Variants in ZGRF1 observed in about 807,000 individuals in gnomAD.
ZGRF1 encodes the protein 5'-3' DNA helicase ZGRF1.
Under a neutral mutation model 203.5 loss-of-function variants are expected in ZGRF1, and 196 were observed. The ratio of observed to expected loss-of-function variants is 0.96; its 90% CI spans 0.86 to 1.08. The LOEUF (loss-of-function observed/expected upper bound fraction) is 1.08, where lower values mean the gene tolerates loss of function less well. Among genes scored for constraint, ZGRF1 ranks in the 50% least tolerant of loss-of-function variants. The pLI is 0.00. For missense variants in ZGRF1, 2,326 were observed against 2,416.3 expected (o/e 0.96, Z 0.78); for synonymous variants, 809 against 841.3 (o/e 0.96, Z 0.66).
At position 112,540,102 on chromosome 4, in the gene ZGRF1, A is replaced by G; in HGVS notation, c.5933T>C (p.Val1978Ala). 2 of 1,583,594 alleles carry G rather than the reference A, an allele frequency of 1.3e-6. No individual in the cohort carries two copies. Among genetic ancestry groups the G allele is most frequent in the Admixed American group, 1.8e-5 (1 of 55,248 alleles). Residue 1978 changes from valine to alanine, a missense_variant, in exon 27 of 28, where the codon GTG (valine) becomes GCG (alanine). Physicochemically the swap from Val to Ala is moderately conservative, Grantham distance 64. Transcript: ENST00000505019. ...TTTAATATCAGGATGGTGAAAGTCC[A>G]CAGCACTGAGTAAATGACAAAGCTG... ...MYKLCHLLSA[V>A]DFHHPDIKTV...
At chr4:112,565,001 G>C in intron 16 of ZGRF1, 1 of 919,308 alleles carries the variant, frequency 1.1e-6, no homozygotes, top group Non-Finnish European at 1.8e-6. Context: ...GCTCGTACAA[G>C]GCAGACTGCC....
chr4:112,586,381 T>C, intron 13 of ZGRF1, 64 bp downstream of exon 13: 1 of 1,263,650 alleles, frequency 7.9e-7, no homozygotes, highest in Non-Finnish European at 1.1e-6. Flanking sequence ...TGTATTAAAT[T>C]CTCACAATTT....
intron 16 of ZGRF1, chr4:112,565,291 G>C (rs1049210523): frequency 6.5e-7 from 1 of 1,530,222 alleles, no homozygotes; most frequent in Non-Finnish European, 9.0e-7. Flanking sequence ...GGCCTATCTG[G>C]TTGGCCTTTT....
chr4:112,633,060 A>C (rs1433688548), intron 2 of ZGRF1, 96 bp downstream of exon 2: 22 of 1,132,664 alleles, frequency 1.9e-5, no homozygotes, highest in Non-Finnish European at 2.4e-5. Context: ...GTTTTTGCTA[A>C]ATCTGGCAAC....
chr4:112,623,851 G>A lies in ZGRF1; in HGVS notation c.128C>T (p.Ala43Val). 6.3e-7 allele frequency: 1 copy of A among 1,584,052 alleles called. No individual in the cohort carries two copies. Among genetic ancestry groups the A allele is most frequent in the Non-Finnish European group, 8.6e-7 (1 of 1,156,886 alleles). Residue 43 changes from alanine (A) to valine (V), a missense_variant, in exon 4 of 28, where the codon GCA (alanine) becomes GTA (valine). Physicochemically the swap from Ala to Val is moderately conservative, Grantham distance 64. Coordinates refer to ENST00000505019, the MANE Select transcript of ZGRF1 (RefSeq NM_018392.5). ...TTTAAGAAACAGACTCTCCAAACAT[G>A]CTCCTTTGTCATCATATAAAATTGC... ...NKAILYDDKGACLESLFLKCL... is the reference protein window; with the variant it reads ...NKAILYDDKGVCLESLFLKCL...
chr4:112,548,139 C>T, intron 23 of ZGRF1, 114 bp downstream of exon 23: 1 of 835,934 alleles, frequency 1.2e-6, no homozygotes, highest in East Asian at 2.8e-5. Flanking sequence ...TGGGGATTCG[C>T]CATGTTGTCC....
chr4:112,612,505 T>C lies in ZGRF1; in HGVS notation c.2667+19A>G. 1 of 1,525,718 alleles carries C rather than the reference T, an allele frequency of 6.6e-7. No individual in the cohort carries two copies. The highest frequency in any genetic ancestry group is 1.2e-5 in the South Asian group (1 of 85,148). 94.5% of individuals were successfully genotyped at this position (1,525,718 alleles called of 1,614,324 possible). Reference sequence around the variant, plus strand: ...TTATCAAAATAAAAAAAACATACTCTTAGAAAAAAAACCTGTACCTGTTGA... The same window carrying C: ...TTATCAAAATAAAAAAAACATACTCCTAGAAAAAAAACCTGTACCTGTTGA... On this transcript the variant is annotated intron_variant, in intron 7 of 27. Transcript: ENST00000505019.
At chr4:112,612,481 T>C (rs2046720168) in intron 7 of ZGRF1, 43 bp downstream of exon 7, 1 of 1,253,372 alleles carries the variant, frequency 8.0e-7, no homozygotes, top group Admixed American at 1.9e-5. Flanking sequence ...AGAACATTCT[T>C]ATCAAAATAA....
In ZGRF1 at chr4:112,619,141, C is replaced by T; in HGVS notation, c.901G>A (p.Glu301Lys). Residue 301 changes from glutamate (E) to lysine (K), a missense_variant, in exon 6 of 28, where the codon GAG becomes AAG. Transcript: ENST00000505019. Reference protein sequence around the residue: ...TKPKYLIQQEECAEMKSTENL... With the variant: ...TKPKYLIQQEKCAEMKSTENL... ...TCTGTGCTCTTCATCTCAGCACACT[C>T]TTCCTGTTGAATTAGGTACTTTGGT... The T allele has an allele frequency of 6.2e-7, 1 of 1,613,816 alleles. No individual in the cohort carries two copies. The highest frequency in any genetic ancestry group is 8.5e-7 in the Non-Finnish European group (1 of 1,179,952).
At chr4:112,543,700 T>G (rs902987032) in intron 24 of ZGRF1, among the ~76,000 whole-genome samples, 1 of 152,194 alleles carries the variant, frequency 6.6e-6, no homozygotes, top group Non-Finnish European at 1.5e-5. Context: ...AAGAAAGGAA[T>G]GACAGTTTCT....
rs1244966502 is a variant in ZGRF1 at position 112,617,681 on chromosome 4, A to G, written c.2361T>C (p.Asp787=). ...GGGGTGGACTTCTAATCTTTCCCAA[A>G]TCTTCAGGTTCAGATATATGTGCTT... ...DTEAHISEPE[D]LGKIRSPPPD... Residue 787 remains aspartate (D), a synonymous_variant, in exon 6 of 28, where the codon GAT becomes GAC. Transcript: ENST00000505019. The G allele has an allele frequency of 6.8e-6, 11 of 1,613,894 alleles. No homozygotes were observed. In the Admixed American group the frequency reaches 1.8e-4, roughly 27 times the overall value.
At chr4:112,554,389 T>C (rs1408078378) in intron 21 of ZGRF1, among the ~76,000 whole-genome samples, 1 of 152,108 alleles carries the variant, frequency 6.6e-6, no homozygotes, top group South Asian at 2.1e-4. Context: ...CGTATGTTTA[T>C]TGCGGCAGTA....
Position 112,553,881 on chromosome 4 carries a change from CT to C in ZGRF1, c.5299del (p.Ser1767AlafsTer14). On this transcript the variant is annotated frameshift_variant, in exon 22 of 28. Coordinates refer to ENST00000505019, the MANE Select transcript of ZGRF1 (RefSeq NM_018392.5). LOFTEE classifies it high-confidence loss of function. ...TPTERVYVRKSIEQHKLGTNR... is the reference protein window; with the variant it reads ...TPTERVYVRKXIEQHKLGTNR... ...GGTCCCCAGTTTATGCTGCTCAATGCTTTTTCTCACATAGACTCTTTCCGTA... is the reference window on the plus strand; with the variant it reads ...GGTCCCCAGTTTATGCTGCTCAATGCTTTTCTCACATAGACTCTTTCCGTA... 1 of 1,613,540 alleles carries C rather than the reference CT, an allele frequency of 6.2e-7. No individual in the cohort carries two copies. Among genetic ancestry groups the C allele is most frequent in the South Asian group, 1.1e-5 (1 of 90,974 alleles).
chr4:112,631,786 T>G, intron 3 of ZGRF1, 144 bp downstream of exon 3: 1 of 472,258 alleles, frequency 2.1e-6, no homozygotes, highest in Non-Finnish European at 3.8e-6. Context: ...ACCACTGTGA[T>G]ATGGGGATCA....
chr4:112,616,721 C>T (rs2046887163), intron 6 of ZGRF1, among the ~76,000 whole-genome samples: 1 of 151,078 alleles, frequency 6.6e-6, no homozygotes. Flanking sequence ...CCTGTAATTC[C>T]AGCTACTCAG....
chr4:112,589,289 G>A (rs899092328), intron 11 of ZGRF1, among the ~76,000 whole-genome samples: 7 of 152,286 alleles, frequency 4.6e-5, no homozygotes, highest in Middle Eastern at 3.4e-3. Context: ...GAATGCAAGG[G>A]TGGTAGCAGC....
rs561571424 is a variant in ZGRF1, at chr4:112,560,740, G to A, written c.4953C>T (p.Ile1651=). 3 of 1,584,476 alleles carry A rather than the reference G, an allele frequency of 1.9e-6. No homozygotes were observed. The South Asian group carries it at 3.4e-5, about 18-fold the overall frequency. ...TTCTTTCTTGCTTCTTACCATGTAT[G>A]ATTGTGATAGGGAAGGTATGAGTTT... is the stretch of plus-strand genomic sequence containing the variant. ...ELQTHTFPIT[I]IHGVFGAGKS... is the part of the protein sequence containing the mutation. The change falls in exon 19 of 28, where the codon ATC becomes ATT. Residue 1651 remains isoleucine (I), a synonymous_variant. Coordinates refer to ENST00000505019, the MANE Select transcript of ZGRF1 (RefSeq NM_018392.5).
Position 112,540,928 on chromosome 4 carries a change from C to T in ZGRF1, c.5803G>A (p.Val1935Met), listed in dbSNP as rs1395033088. The T allele has an allele frequency of 1.3e-6, 2 of 1,574,946 alleles. No homozygotes were observed. Among genetic ancestry groups the T allele is most frequent in the Admixed American group, 1.8e-5 (1 of 54,128 alleles). ...TTGAGTGTAAACGTAGCTTCTGCCACATTATGAAAGCTGTTATCTCTTTCT... is the reference window on the plus strand; with the variant it reads ...TTGAGTGTAAACGTAGCTTCTGCCATATTATGAAAGCTGTTATCTCTTTCT... ...QIERDNSFHNVAEATFTLKLI... is the reference protein window; with the variant it reads ...QIERDNSFHNMAEATFTLKLI... Residue 1935 changes from valine to methionine, a missense_variant, in exon 26 of 28, where the codon GTG (valine) becomes ATG (methionine). Transcript: ENST00000505019.
chr4:112,608,481 G>A (rs1377512253), intron 8 of ZGRF1, among the ~76,000 whole-genome samples: 6 of 152,022 alleles, frequency 3.9e-5, no homozygotes, highest in Admixed American at 6.5e-5. Context: ...TTAGCCAGGC[G>A]TGGTAGTGCA....
Sources: gnomAD v4.1 joint callset for allele counts (sites outside exome capture counted in the v4.1 genomes callset) on GRCh38, gnomAD v4.1.1 for gene constraint, MANE v1.5 for transcripts, NCBI Gene and HGNC (gene_info 2026-07-23, HGNC 2026-07-21) for gene names.